The following PEX19 variants were observed in gnomAD, a reference collection of about 807,000 sequenced individuals.
PEX19 encodes peroxisomal biogenesis factor 19.
Under a neutral mutation model 36.3 loss-of-function variants are expected in PEX19, and 29 were observed. The observed-to-expected ratio is 0.80, with a 90% CI of 0.60 to 1.09. The LOEUF (loss-of-function observed/expected upper bound fraction) is 1.09. Among genes scored for constraint, PEX19 ranks in the 50% least tolerant of loss-of-function variants. The pLI is 0.00. For synonymous variants in PEX19, 141 were observed against 135.2 expected, an observed-to-expected ratio of 1.04 and a Z score of -0.30; for missense variants, 396 against 368.1, an observed-to-expected ratio of 1.08 and a Z score of -0.62.
Position 160,279,809 on chromosome 1 carries a change from C to T in PEX19, c.808G>A (p.Gly270Arg), listed in dbSNP as rs1657696746. ...AAATAAGACATACTCACCATCTCTC[C>T]AGCCAGCTCTTTTGGAGGATGGCCT... ...DLGHPPKELAGEMPPGLNFDL... is the reference protein window; with the variant it reads ...DLGHPPKELAREMPPGLNFDL... The change falls in exon 7 of 8, where the codon GGA becomes AGA. Residue 270 changes from glycine to arginine, a missense_variant. By Grantham distance (125) the Gly-to-Arg change is moderately radical (BLOSUM62 -2). Coordinates refer to ENST00000368072, the MANE Select transcript of PEX19 (RefSeq NM_002857.4). 1.2e-6 allele frequency: 2 copies of T among 1,613,144 alleles called. No homozygotes were observed. The highest frequency in any genetic ancestry group is 8.5e-7 in the Non-Finnish European group (1 of 1,179,058).
rs41265793 is a variant in PEX19, at chr1:160,282,577, G to A, written c.347-75C>T. On this transcript the variant is annotated intron_variant, in intron 3 of 7. Transcript: ENST00000368072. ...CTAGACTGAACTGGTTAACAGCTTGGATATGAAGCATTTACTAGTGAATCA... is the reference window on the plus strand; with the variant it reads ...CTAGACTGAACTGGTTAACAGCTTGAATATGAAGCATTTACTAGTGAATCA... The A allele has an allele frequency of 1.0e-3, 1,126 of 1,102,616 alleles. 3 individuals carry two copies. Among genetic ancestry groups the A allele is most frequent in the Non-Finnish European group, 1.4e-3 (1,013 of 716,650 alleles). The allele number at this position is 1,102,616 out of a possible 1,614,324, so 68.3% of individuals were successfully genotyped here. A position where few individuals can be genotyped will look rare whatever the true frequency, so the allele number is the denominator to read the frequency against.
At position 160,283,060 on chromosome 1, in the gene PEX19, C is replaced by T; in HGVS notation, c.230G>A (p.Ser77Asn). Residue 77 changes from serine (S) to asparagine (N), a missense_variant, in exon 3 of 8, where the codon AGT becomes AAT. By Grantham distance (46) the Ser-to-Asn change is conservative (BLOSUM62 1). Coordinates refer to ENST00000368072, the MANE Select transcript of PEX19 (RefSeq NM_002857.4). ...CGCAGTGGCTTGGGAAGCCAGTTCA[C>T]TGTCGAATAGTTCCTGGAAAAACTT... is the stretch of plus-strand genomic sequence containing the variant. ...QEKFFQELFD[S>N]ELASQATAEF... 2 of 1,614,152 alleles carry T rather than the reference C, an allele frequency of 1.2e-6. No individual in the cohort carries two copies. Among genetic ancestry groups the T allele is most frequent in the Non-Finnish European group, 8.5e-7 (1 of 1,180,032 alleles).
intron 5 of PEX19, among the ~76,000 whole-genome samples, chr1:160,280,613 G>T (rs376066611): frequency 6.6e-6 from 1 of 151,814 alleles, no homozygotes; most frequent in Admixed American, 6.6e-5. Flanking sequence ...ATCTCCCCAG[G>T]CTCAAGCAAT....
At position 160,277,461 on chromosome 1, in the gene PEX19, A is replaced by G. The variant is rs565174659; in HGVS notation, c.*2090T>C. The G allele has an allele frequency of 1.8e-5, 8 of 456,098 alleles. No individual in the cohort carries two copies. Among genetic ancestry groups the G allele is most frequent in the East Asian group, 1.4e-4 (2 of 14,400 alleles). 28.3% of individuals were successfully genotyped at this position (456,098 alleles called of 1,614,324 possible). A position where few individuals can be genotyped will look rare whatever the true frequency, so the allele number is the denominator to read the frequency against. ...CAAAAAACCTGGTCCTTTACCATAC[A>G]TAGTTTGAGAAAGACTGCCCTAGAG... On this transcript the variant is annotated 3_prime_UTR_variant, in exon 8 of 8. Transcript: ENST00000368072.
Position 160,283,040 on chromosome 1 carries a change from T to A in PEX19, c.250A>T (p.Thr84Ser). The A allele has an allele frequency of 6.2e-7, 1 of 1,614,204 alleles. No individual in the cohort carries two copies. Among genetic ancestry groups the A allele is most frequent in the Non-Finnish European group, 8.5e-7 (1 of 1,180,030 alleles). Residue 84 changes from threonine to serine, a missense_variant, in exon 3 of 8, where the codon ACT becomes TCT. By Grantham distance (58) the Thr-to-Ser change is moderately conservative. Coordinates refer to ENST00000368072, the MANE Select transcript of PEX19 (RefSeq NM_002857.4). ...LFDSELASQA[T>S]AEFEKAMKEL... ...TTCATTGCCTTCTCGAACTCCGCAG[T>A]GGCTTGGGAAGCCAGTTCACTGTCG...
At chr1:160,282,782 T>C in intron 3 of PEX19, 162 bp downstream of exon 3, 1 of 798,732 alleles carries the variant, frequency 1.3e-6, no homozygotes, top group South Asian at 1.5e-5. Flanking sequence ...ATCTCACCCC[T>C]TTTCATTAAC....
chr1:160,279,881 A>G, intron 6 of PEX19, 36 bp from the exon 7 acceptor site: 1 of 1,561,448 alleles, frequency 6.4e-7, no homozygotes, highest in South Asian at 1.1e-5. Flanking sequence ...GAAATAGAGA[A>G]AAGCCCAGAA....
Position 160,280,231 on chromosome 1 carries a change from G to A in PEX19, c.610C>T (p.Gln204Ter). ...EITEKYPEWL[Q>*]SHRESLPPEQ... ...GGAGGTAGAGATTCCCGATGACTCT[G>A]CAACCATTCTGGATACTAAGAAAAG... is the stretch of plus-strand genomic sequence containing the variant. The change falls in exon 6 of 8, where the codon CAG becomes TAG. Residue 204 changes from glutamine (Q) to a stop codon, truncating the protein, a stop_gained. Transcript: ENST00000368072. LOFTEE classifies it high-confidence loss of function. 6.2e-7 allele frequency: 1 copy of A among 1,613,856 alleles called. No individual in the cohort carries two copies. The highest frequency in any genetic ancestry group is 2.2e-5 in the East Asian group (1 of 44,888).
intron 1 of PEX19, 49 bp from the exon 2 acceptor site, chr1:160,283,688 C>T: frequency 7.1e-7 from 1 of 1,403,352 alleles, no homozygotes; most frequent in Non-Finnish European, 1.0e-6. Context: ...GATGAGAATG[C>T]AAGCAAGGCT....
At position 160,277,787 on chromosome 1, in the gene PEX19, G is replaced by A. The variant is rs1292714587; in HGVS notation, c.*1764C>T. The A allele has an allele frequency of 1.4e-5, 7 of 489,660 alleles. No homozygotes were observed. Among genetic ancestry groups the A allele is most frequent in the South Asian group, 3.1e-5 (2 of 64,830 alleles). 30.3% of individuals were successfully genotyped at this position (489,660 alleles called of 1,614,324 possible). ...GTCCAGTTTTTGGCTGGAGCTTTAAGGAGAAAATAGTGACACTGAAGCCCC... is the reference window on the plus strand; with the variant it reads ...GTCCAGTTTTTGGCTGGAGCTTTAAAGAGAAAATAGTGACACTGAAGCCCC... On this transcript the variant is annotated 3_prime_UTR_variant, in exon 8 of 8. Transcript: ENST00000368072.
At position 160,277,189 on chromosome 1, in the gene PEX19, C is replaced by T. The variant is rs1198920210; in HGVS notation, c.*2362G>A. 1 of 455,146 alleles carries T rather than the reference C, an allele frequency of 2.2e-6. No homozygotes were observed. Among genetic ancestry groups the T allele is most frequent in the Non-Finnish European group, 4.4e-6 (1 of 226,700 alleles). The allele number at this position is 455,146 out of a possible 1,614,324, so 28.2% of individuals were successfully genotyped here. Reference sequence around the variant, plus strand: ...AGATGATCTGCAGACTTGTGCTGGTCAGTGAACACCTTTTTTTTTTTTTCA... The same window carrying T: ...AGATGATCTGCAGACTTGTGCTGGTTAGTGAACACCTTTTTTTTTTTTTCA... On this transcript the variant is annotated 3_prime_UTR_variant, in exon 8 of 8. Coordinates refer to ENST00000368072, the MANE Select transcript of PEX19 (RefSeq NM_002857.4).
intron 5 of PEX19, 33 bp from the exon 6 acceptor site, chr1:160,280,279 A>G: frequency 6.3e-7 from 1 of 1,580,754 alleles, no homozygotes; most frequent in Middle Eastern, 1.7e-4. Flanking sequence ...GAAAAGAATT[A>G]AGTGAACAAT....
At position 160,280,232 on chromosome 1, in the gene PEX19, C is replaced by A. The variant is rs764883999; in HGVS notation, c.609G>T (p.Leu203Phe). Residue 203 changes from leucine to phenylalanine, a missense_variant, in exon 6 of 8, where the codon TTG becomes TTT. Leu to Phe is a conservative substitution (Grantham distance 22, BLOSUM62 0). Coordinates refer to ENST00000368072, the MANE Select transcript of PEX19 (RefSeq NM_002857.4). ...KEITEKYPEW[L>F]QSHRESLPPE... is the part of the protein sequence containing the mutation. ...GAGGTAGAGATTCCCGATGACTCTG[C>A]AACCATTCTGGATACTAAGAAAAGA... is the stretch of plus-strand genomic sequence containing the variant. The A allele has an allele frequency of 6.2e-7, 1 of 1,613,826 alleles. No individual in the cohort carries two copies. Among genetic ancestry groups the A allele is most frequent in the Non-Finnish European group, 8.5e-7 (1 of 1,179,752 alleles).
intron 5 of PEX19, among the ~76,000 whole-genome samples, chr1:160,280,679 T>C (rs1657738444): frequency 6.6e-6 from 1 of 152,018 alleles, no homozygotes; most frequent in African/African-American, 2.4e-5. Context: ...CCACTGTGAC[T>C]GGCTAATTTT....
chr1:160,279,867 A>T lies in PEX19; in HGVS notation c.772-22T>A, dbSNP rs1236530947. 6 of 1,603,758 alleles carry T rather than the reference A, an allele frequency of 3.7e-6. No individual in the cohort carries two copies. In the East Asian group the frequency reaches 1.3e-4, roughly 36 times the overall value. ...GTAGCTAGAAAATAAGGAAAATGGA[A>T]CATGAAATAGAGAAAAGCCCAGAAA... On this transcript the variant is annotated intron_variant, in intron 6 of 7. Transcript: ENST00000368072.
At chr1:160,282,836 G>A (rs941220268) in intron 3 of PEX19, 108 bp downstream of exon 3, 8 of 1,199,838 alleles carry the variant, frequency 6.7e-6, no homozygotes, top group Admixed American at 5.3e-5. Flanking sequence ...CCGTTCCTTG[G>A]CTGTGACATC....
chr1:160,284,933 C>G (rs1657948268), intron 1 of PEX19, 122 bp downstream of exon 1: 1 of 824,922 alleles, frequency 1.2e-6, no homozygotes, highest in Admixed American at 1.9e-5. Flanking sequence ...GTCAGACTCT[C>G]CGCCCCCATT....
rs886045447 is a variant in PEX19 at position 160,279,124 on chromosome 1, T to C, written c.*427A>G. The stretch of plus-strand genomic sequence containing the variant: ...CTCAAAGGCTCTGCCAGGAGAACTA[T>C]AGAAATACAGAGTCCCAGGTCTCTG... On this transcript the variant is annotated 3_prime_UTR_variant, in exon 8 of 8. Transcript: ENST00000368072. 18 of 453,076 alleles carry C rather than the reference T, an allele frequency of 4.0e-5. No homozygotes were observed. Among genetic ancestry groups the C allele is most frequent in the African/African-American group, 1.8e-4 (9 of 49,786 alleles). The allele number at this position is 453,076 out of a possible 1,614,324, so 28.1% of individuals were successfully genotyped here.
chr1:160,280,091 C>T lies in PEX19; in HGVS notation c.750G>A (p.Met250Ile). 6.2e-7 allele frequency: 1 copy of T among 1,613,838 alleles called. No homozygotes were observed. The highest frequency in any genetic ancestry group is 1.1e-5 in the South Asian group (1 of 91,068). Residue 250 changes from methionine (M) to isoleucine (I), a missense_variant, in exon 6 of 8, where the codon ATG becomes ATA. Coordinates refer to ENST00000368072, the MANE Select transcript of PEX19 (RefSeq NM_002857.4). Reference sequence around the variant, plus strand: ...TTACCTGCTGCATAAGATCCAGCACCATCTCAAAACGAGCCTTTTGAGTGG... The same window carrying T: ...TTACCTGCTGCATAAGATCCAGCACTATCTCAAAACGAGCCTTTTGAGTGG... The part of the protein sequence containing the change: ...SETTQKARFE[M>I]VLDLMQQLQD...
Sources: allele counts gnomAD v4.1 joint callset (sites outside exome capture counted in the v4.1 genomes callset), GRCh38; gene constraint gnomAD v4.1.1; transcripts MANE v1.5; gene names NCBI Gene and HGNC (gene_info 2026-07-23, HGNC 2026-07-21).